Variants in ZKSCAN7 observed in about 807,000 individuals in gnomAD.
The protein encoded by ZKSCAN7 is zinc finger with KRAB and SCAN domains 7, also known as zinc finger protein with KRAB and SCAN domains 7.
Under a neutral mutation model 65.3 loss-of-function variants are expected in ZKSCAN7, and 38 were observed. The observed-to-expected ratio is 0.58, with a 90% CI of 0.45 to 0.76. ZKSCAN7 has a LOEUF of 0.76. Among genes scored for constraint, ZKSCAN7 ranks in the 30% least tolerant of loss-of-function variants. The pLI is 0.00. For synonymous variants in ZKSCAN7, 321 were observed against 321.0 expected (o/e 1.00, Z 0.00); for missense variants, 815 against 913.3 (o/e 0.89, Z 1.39).
chr3:44,569,941 G>A lies in ZKSCAN7; in HGVS notation c.831G>A (p.Lys277=). Residue 277 remains lysine, a synonymous_variant, in exon 6 of 6, where the codon AAG becomes AAA. Coordinates refer to ENST00000426540, the MANE Select transcript of ZKSCAN7 (RefSeq NM_001288590.2). ...MASLAGENMM[K]GSELTPKQEF... is the part of the protein sequence containing the mutation. ...GGGCAGCAGGTGAGAACATGATGAAGGGTTCAGAGTTGACTCCAAAGCAGG... is the reference window on the plus strand; with the variant it reads ...GGGCAGCAGGTGAGAACATGATGAAAGGTTCAGAGTTGACTCCAAAGCAGG... 1 of 1,538,476 alleles carries A rather than the reference G, an allele frequency of 6.5e-7. No homozygotes were observed. The highest frequency in any genetic ancestry group is 8.7e-7 in the Non-Finnish European group (1 of 1,147,104).
chr3:44,564,108 A>G (rs1388463368), intron 2 of ZKSCAN7, among the ~76,000 whole-genome samples: 2 of 152,256 alleles, frequency 1.3e-5, no homozygotes, highest in African/African-American at 4.8e-5. Flanking sequence ...GAGCAAGTGA[A>G]CTTTAAAATG....
In ZKSCAN7 at chr3:44,581,813, C is replaced by T. The variant is rs75292539; in HGVS notation, c.812-1159C>T. ...GCCAAACCCTTATCATAAACTCCAG[C>T]CCTGGTCATTCAGCTTCTAAATGCA... On this transcript the variant is annotated intron_variant, in intron 5 of 5. Transcript: ENST00000341840. Among the ~76,000 whole-genome samples, 780 of 152,280 alleles carry T rather than the reference C, an allele frequency of 5.1e-3. 6 individuals are homozygous for T. The highest frequency in any genetic ancestry group is 7.7e-3 in the Non-Finnish European group (527 of 68,030).
intron 2 of ZKSCAN7, 49 bp downstream of exon 2, chr3:44,557,519 G>A (rs777192238): frequency 5.0e-6 from 8 of 1,609,978 alleles, no homozygotes; most frequent in Non-Finnish European, 6.8e-6. Context: ...CTAATGCTTG[G>A]GTTAGCCTAG....
chr3:44,570,071 G>C lies in ZKSCAN7; in HGVS notation c.961G>C (p.Glu321Gln). Residue 321 changes from glutamate to glutamine, a missense_variant, in exon 6 of 6, where the codon GAG becomes CAG. By Grantham distance (29) the Glu-to-Gln change is conservative (BLOSUM62 2). Transcript: ENST00000426540. ...AGATGTTTGTGAAGATACTTTCAAG[G>C]AGTTAGAAGGACAAACCTCAGATGA... ...TGDVCEDTFK[E>Q]LEGQTSDEEG... 1.9e-6 allele frequency: 3 copies of C among 1,614,026 alleles called. No individual in the cohort carries two copies. Among genetic ancestry groups the C allele is most frequent in the Non-Finnish European group, 8.5e-7 (1 of 1,179,984 alleles).
chr3:44,578,479 C>T (rs1699975743), intron 5 of ZKSCAN7, among the ~76,000 whole-genome samples: 1 of 152,270 alleles, frequency 6.6e-6, no homozygotes, highest in African/African-American at 2.4e-5. Flanking sequence ...GGTTCTCACG[C>T]TGGCACTGCC....
chr3:44,574,807 G>A (rs2125730196), downstream of ZKSCAN7, among the ~76,000 whole-genome samples: 1 of 152,228 alleles, frequency 6.6e-6, no homozygotes, highest in South Asian at 2.1e-4. Context: ...GCAGGCACCT[G>A]TAATCCCAGC....
At position 44,568,396 on chromosome 3, in the gene ZKSCAN7, C is replaced by T; in HGVS notation, c.774C>T (p.Asn258=). 6.2e-7 allele frequency: 1 copy of T among 1,614,116 alleles called. No homozygotes were observed. Among genetic ancestry groups the T allele is most frequent in the Non-Finnish European group, 8.5e-7 (1 of 1,180,002 alleles). The part of the protein sequence containing the change: ...LTLSQRALQW[N]MMPENHHSMA... ...TCAGTCAGAGAGCCCTGCAGTGGAA[C>T]ATGATGCCAGAAAATCACCATAGCA... is the stretch of plus-strand genomic sequence containing the variant. The change falls in exon 5 of 6, where the codon AAC becomes AAT. Residue 258 remains asparagine (N), a synonymous_variant. Coordinates refer to ENST00000426540, the MANE Select transcript of ZKSCAN7 (RefSeq NM_001288590.2).
At chr3:44,576,674 T>G (rs1699929475), downstream of ZKSCAN7, among the ~76,000 whole-genome samples, 1 of 152,232 alleles carries the variant, frequency 6.6e-6, no homozygotes. Context: ...TCCAAGTAGG[T>G]GCTATTAAAA....
chr3:44,565,922 C>G (rs994725256), intron 3 of ZKSCAN7, among the ~76,000 whole-genome samples: 1 of 152,194 alleles, frequency 6.6e-6, no homozygotes, highest in African/African-American at 2.4e-5. Context: ...TTTCAAAGAG[C>G]TTGTTATCTA....
chr3:44,557,173 C>G lies in ZKSCAN7; in HGVS notation c.126C>G (p.Leu42=), dbSNP rs1167655095. 8 of 1,614,242 alleles carry G rather than the reference C, an allele frequency of 5.0e-6. No homozygotes were observed. Among genetic ancestry groups the G allele is most frequent in the South Asian group, 2.2e-5 (2 of 91,086 alleles). The change falls in exon 2 of 6, where the codon CTC becomes CTG. Residue 42 remains leucine (L), a synonymous_variant. Coordinates refer to ENST00000426540, the MANE Select transcript of ZKSCAN7 (RefSeq NM_001288590.2). Reference sequence around the variant, plus strand: ...AGACCTGGGGGCAGGGCAGCAGTCTCCAGAAGAACTATCCTCCTGTCTGCG... The same window carrying G: ...AGACCTGGGGGCAGGGCAGCAGTCTGCAGAAGAACTATCCTCCTGTCTGCG... ...ANQTWGQGSS[L]QKNYPPVCEI...
intron 4 of ZKSCAN7, 111 bp from the exon 5 acceptor site, chr3:44,568,196 T>C (rs1392945107): frequency 6.5e-7 from 1 of 1,547,938 alleles, no homozygotes; most frequent in Non-Finnish European, 8.7e-7. Context: ...TCAGCTCCTC[T>C]CTCCCATACT....
downstream of ZKSCAN7, among the ~76,000 whole-genome samples, chr3:44,573,084 T>C (rs1182583838): frequency 6.6e-6 from 1 of 152,194 alleles, no homozygotes; most frequent in African/African-American, 2.4e-5. Flanking sequence ...GCTGTACCCT[T>C]AATTATCATA....
At chr3:44,575,892 A>T (rs745636565), downstream of ZKSCAN7, among the ~76,000 whole-genome samples, 7 of 152,002 alleles carry the variant, frequency 4.6e-5, no homozygotes, top group Non-Finnish European at 1.0e-4. Context: ...TATTATTATT[A>T]TTTTTTAAAG....
At chr3:44,579,217 G>A (rs1699999676) in intron 5 of ZKSCAN7, among the ~76,000 whole-genome samples, 1 of 152,226 alleles carries the variant, frequency 6.6e-6, no homozygotes. Context: ...CATCCTCAGT[G>A]CCTGGCCCGC....
chr3:44,556,912 T>C lies in ZKSCAN7; in HGVS notation c.-118-18T>C. The C allele has an allele frequency of 8.5e-7, 1 of 1,169,770 alleles. No homozygotes were observed. Among genetic ancestry groups the C allele is most frequent in the Non-Finnish European group, 1.2e-6 (1 of 805,000 alleles). 72.5% of individuals were successfully genotyped at this position (1,169,770 alleles called of 1,614,324 possible). ...GCTGAATACTCCAAGAACTCTGATT[T>C]CACTCTTGTTTCTGTAGGCCACACT... On this transcript the variant is annotated intron_variant, in intron 1 of 5. Transcript: ENST00000426540.
intron 5 of ZKSCAN7, chr3:44,580,816 G>A: frequency 1.9e-6 from 3 of 1,612,838 alleles, no homozygotes; most frequent in Admixed American, 1.7e-5. Context: ...AAGAACTGTC[G>A]CTGCCATTTC....
At position 44,570,762 on chromosome 3, in the gene ZKSCAN7, A is replaced by G; in HGVS notation, c.1652A>G (p.Tyr551Cys). 7 of 1,614,200 alleles carry G rather than the reference A, an allele frequency of 4.3e-6. No individual in the cohort carries two copies. The highest frequency in any genetic ancestry group is 5.9e-6 in the Non-Finnish European group (7 of 1,180,036). ...AGAATCCACACTGGGGAGAAGCCTT[A>G]TGAGTGTAGTGAATGTGGCAAAGCC... ...HQRIHTGEKPYECSECGKAFS... is the reference protein window; with the variant it reads ...HQRIHTGEKPCECSECGKAFS... Residue 551 changes from tyrosine (Y) to cysteine (C), a missense_variant, in exon 6 of 6, where the codon TAT becomes TGT. Physicochemically the swap from Tyr to Cys is radical, Grantham distance 194. This residue lies in a region of ZKSCAN7 where 578 missense variants were observed against 629.5 expected (regional missense o/e 0.92). Transcript: ENST00000426540.
At position 44,570,509 on chromosome 3, in the gene ZKSCAN7, T is replaced by C. The variant is rs1250493718; in HGVS notation, c.1399T>C (p.Tyr467His). The change falls in exon 6 of 6, where the codon TAT (tyrosine) becomes CAT (histidine). Residue 467 changes from tyrosine to histidine, a missense_variant. Tyr to His is a moderately conservative substitution (Grantham distance 83). Transcript: ENST00000426540. ...GAGACTCCATAATGGGGAGAAACCC[T>C]ATAAATGTAATGAATGTGCAAAAGC... ...HQRLHNGEKP[Y>H]KCNECAKAFT... 1 of 1,614,086 alleles carries C rather than the reference T, an allele frequency of 6.2e-7. No individual in the cohort carries two copies. Among genetic ancestry groups the C allele is most frequent in the South Asian group, 1.1e-5 (1 of 91,086 alleles).
In ZKSCAN7 at chr3:44,557,082, TC is replaced by T; in HGVS notation, c.39del (p.Arg14GlyfsTer12). 1 of 1,614,180 alleles carries T rather than the reference TC, an allele frequency of 6.2e-7. No individual in the cohort carries two copies. On this transcript the variant is annotated frameshift_variant, in exon 2 of 6. Coordinates refer to ENST00000426540, the MANE Select transcript of ZKSCAN7 (RefSeq NM_001288590.2). LOFTEE classifies it high-confidence loss of function. ...GCAGGCAGGGGAAATTTAGGCCTCA[TC>T]CCCAGGAGCACTGCTTTCCAGAAGC... ...TTAGRGNLGL[I>X]PRSTAFQKQE...
Sources: gnomAD v4.1 joint callset for allele counts (sites outside exome capture counted in the v4.1 genomes callset) on GRCh38, gnomAD v4.1.1 for gene constraint, gnomAD v4.1.1 regional missense constraint, MANE v1.5 for transcripts, NCBI Gene and HGNC (gene_info 2026-07-23, HGNC 2026-07-21) for gene names.